Variants in AFF3 observed in about 807,000 individuals in gnomAD.
AFF3 encodes the protein ALF transcription elongation factor 3.
AFF3 carries 32 observed loss-of-function variants against 129.7 expected under a neutral mutation model. That is an observed-to-expected ratio of 0.25 (90% CI 0.19 to 0.33). The LOEUF (loss-of-function observed/expected upper bound fraction) is 0.33. AFF3 is among the 10% of genes least tolerant of loss of function. The probability of loss-of-function intolerance (pLI) is 1.00; values close to 1 mark genes in which losing one functional copy is unlikely to be tolerated. For missense variants in AFF3, 1,373 were observed against 1,592.0 expected, an observed-to-expected ratio of 0.86 and a Z score of 2.34; for synonymous variants, 644 against 635.4, an observed-to-expected ratio of 1.01 and a Z score of -0.20.
intron 8 of AFF3, among the ~76,000 whole-genome samples, chr2:99,820,810 A>G (rs1157077091): frequency 1.4e-5 from 2 of 139,220 alleles, no homozygotes; most frequent in African/African-American, 2.6e-5. Context: ...ACAAACATAC[A>G]TATTAGCCTA....
chr2:99,765,246 A>G (rs1682912616), intron 8 of AFF3, among the ~76,000 whole-genome samples: 1 of 152,206 alleles, frequency 6.6e-6, no homozygotes, highest in East Asian at 1.9e-4. Flanking sequence ...TATATACTTA[A>G]AGGAAAAAAT....
At chr2:100,128,328 C>G (rs1049424217) in intron 2 of AFF3, among the ~76,000 whole-genome samples, 2 of 152,138 alleles carry the variant, frequency 1.3e-5, no homozygotes, top group East Asian at 3.9e-4. Context: ...GAGTCTGGAT[C>G]GGGACCACTT....
At chr2:99,938,751 T>G (rs1674757366) in intron 7 of AFF3, among the ~76,000 whole-genome samples, 1 of 152,218 alleles carries the variant, frequency 6.6e-6, no homozygotes, top group Non-Finnish European at 1.5e-5. Context: ...TCTAGCCTGC[T>G]GGCCATCCCT....
At chr2:99,838,341 T>G (rs376731392) in intron 7 of AFF3, among the ~76,000 whole-genome samples, 7 of 152,030 alleles carry the variant, frequency 4.6e-5, no homozygotes, top group Non-Finnish European at 1.0e-4. Context: ...AACCTGAGAG[T>G]AGATGTCACT....
chr2:99,744,805 T>C (rs939072166), intron 9 of AFF3, among the ~76,000 whole-genome samples: 1 of 152,204 alleles, frequency 6.6e-6, no homozygotes, highest in Admixed American at 6.5e-5. Flanking sequence ...ATTTGGGCTG[T>C]TTCTACCTTT....
At chr2:99,972,947 G>A (rs550398124) in intron 7 of AFF3, among the ~76,000 whole-genome samples, 1 of 152,224 alleles carries the variant, frequency 6.6e-6, no homozygotes, top group African/African-American at 2.4e-5. Flanking sequence ...AGCAAAACAG[G>A]CACCTCAACA....
At chr2:99,670,617 T>C (rs1410282933) in intron 12 of AFF3, among the ~76,000 whole-genome samples, 1 of 152,064 alleles carries the variant, frequency 6.6e-6, no homozygotes, top group African/African-American at 2.4e-5. Context: ...GAGAAAAAAA[T>C]ACCATATCAT....
chr2:100,112,765 G>A (rs1377630535), intron 2 of AFF3, among the ~76,000 whole-genome samples: 1 of 152,192 alleles, frequency 6.6e-6, no homozygotes, highest in African/African-American at 2.4e-5. Flanking sequence ...GAGGAGGAAA[G>A]TGAGTGAAGG....
chr2:99,855,118 C>CTT (rs1431727988), intron 7 of AFF3, among the ~76,000 whole-genome samples: 207 of 152,114 alleles, frequency 1.4e-3, no homozygotes, highest in African/African-American at 4.9e-3. Flanking sequence ...GACACAAAAA[C>CTT]ACAAACTACA....
rs188118795 is a variant in AFF3, at chr2:99,824,330, G to C, written c.921+13147C>G. On this transcript the variant is annotated intron_variant, in intron 8 of 24. Coordinates refer to ENST00000672756, the MANE Select transcript of AFF3 (RefSeq NM_001386135.1). ...GGGTTTCTCCATGTTGGTCAGGCTG[G>C]TCTTAAACTCCCAACCTCAGGTGAT... Among the ~76,000 whole-genome samples the C allele has an allele frequency of 3.8e-3, 582 of 152,142 alleles. 5 individuals carry two copies. The highest frequency in any genetic ancestry group is 7.1e-3 in the Non-Finnish European group (481 of 67,996).
At chr2:99,875,834 C>G (rs1046862180) in intron 7 of AFF3, among the ~76,000 whole-genome samples, 3 of 152,168 alleles carry the variant, frequency 2.0e-5, no homozygotes, top group Non-Finnish European at 4.4e-5. Flanking sequence ...ATTTACCCTC[C>G]AAACAGCCCC....
chr2:99,652,964 G>A (rs925945294), intron 12 of AFF3, among the ~76,000 whole-genome samples: 3 of 152,148 alleles, frequency 2.0e-5, no homozygotes, highest in African/African-American at 4.8e-5. Flanking sequence ...AGGAACCCAC[G>A]CAGACACCTC....
chr2:100,052,120 C>T (rs968281723), intron 4 of AFF3, among the ~76,000 whole-genome samples: 2 of 152,166 alleles, frequency 1.3e-5, no homozygotes, highest in African/African-American at 4.8e-5. Context: ...ATTTCCTTCC[C>T]TCACTGATGT....
rs112494759 is a variant in AFF3 at position 100,021,381 on chromosome 2, A to G, written c.54-12449T>C. ...CAGAGTGGGCACTGAATAAAACAGTATAAGATACATTAAAAATATGTGGTA... is the reference window on the plus strand; with the variant it reads ...CAGAGTGGGCACTGAATAAAACAGTGTAAGATACATTAAAAATATGTGGTA... On this transcript the variant is annotated intron_variant, in intron 4 of 24. Coordinates refer to ENST00000672756, the MANE Select transcript of AFF3 (RefSeq NM_001386135.1). Among the ~76,000 whole-genome samples the G allele has an allele frequency of 4.1e-3, 627 of 152,346 alleles. 3 individuals are homozygous for G. Among genetic ancestry groups the G allele is most frequent in the Non-Finnish European group, 4.4e-3 (296 of 68,028 alleles).
intron 7 of AFF3, among the ~76,000 whole-genome samples, chr2:99,994,196 A>G (rs1359689798): frequency 1.3e-5 from 2 of 152,182 alleles, no homozygotes; most frequent in African/African-American, 4.8e-5. Flanking sequence ...GAAATGCATA[A>G]TACTGAGACA....
intron 8 of AFF3, among the ~76,000 whole-genome samples, chr2:99,802,700 T>C (rs575975795): frequency 5.3e-5 from 8 of 151,472 alleles, no homozygotes; most frequent in Admixed American, 1.3e-4. Context: ...TGTCTTTTTT[T>C]TTTTTTTTTT....
intron 8 of AFF3, among the ~76,000 whole-genome samples, chr2:99,793,072 G>A (rs1214009648): frequency 1.3e-5 from 2 of 152,086 alleles, no homozygotes; most frequent in Non-Finnish European, 1.5e-5. Context: ...GTTGGAGGTG[G>A]GGCCTATTGA....
intron 11 of AFF3, among the ~76,000 whole-genome samples, chr2:99,694,708 TTTTG>T (rs934949425): frequency 7.2e-5 from 11 of 152,126 alleles, no homozygotes; most frequent in East Asian, 5.8e-4. Context: ...CAACGAATTT[TTTTG>T]TTTGTTTGTT....
chr2:99,646,745 T>C (rs1684729909), intron 13 of AFF3, among the ~76,000 whole-genome samples: 1 of 152,232 alleles, frequency 6.6e-6, no homozygotes, highest in African/African-American at 2.4e-5. Flanking sequence ...AATATTGGTT[T>C]ATTCAAAAGA....
Sources: gnomAD v4.1 joint callset for allele counts (sites outside exome capture counted in the v4.1 genomes callset) on GRCh38, gnomAD v4.1.1 for gene constraint, MANE v1.5 for transcripts, NCBI Gene and HGNC (gene_info 2026-07-23, HGNC 2026-07-21) for gene names.